Variants in CNTN5 observed in about 807,000 individuals in gnomAD.
CNTN5 encodes contactin-5.
Under a neutral mutation model 129.1 loss-of-function variants are expected in CNTN5, and 77 were observed. That is an observed-to-expected ratio of 0.60 (90% confidence interval 0.50 to 0.72). The LOEUF is 0.72. Among genes scored for constraint, CNTN5 ranks in the 30% least tolerant of loss-of-function variants. The pLI, the probability that CNTN5 is intolerant of heterozygous loss-of-function variation, is 0.00. For missense variants in CNTN5, 1,478 were observed against 1,328.8 expected, an observed-to-expected ratio of 1.11 and a Z score of -1.75; for synonymous variants, 509 against 465.6, an observed-to-expected ratio of 1.09 and a Z score of -1.20.
At chr11:99,668,292 C>T (rs752253290) in intron 3 of CNTN5, among the ~76,000 whole-genome samples, 32 of 152,100 alleles carry the variant, frequency 2.1e-4, no homozygotes, top group Non-Finnish European at 3.1e-4. Flanking sequence ...TGATGCCTCA[C>T]GCTGAACAGA....
chr11:99,951,871 C>T (rs1591471652), intron 7 of CNTN5, among the ~76,000 whole-genome samples: 1 of 152,150 alleles, frequency 6.6e-6, no homozygotes, highest in African/African-American at 2.4e-5. Flanking sequence ...AATAAATCCA[C>T]TCTTGTTCTT....
intron 6 of CNTN5, among the ~76,000 whole-genome samples, chr11:99,875,561 G>A (rs1336185140): frequency 6.6e-6 from 1 of 151,964 alleles, no homozygotes; most frequent in Non-Finnish European, 1.5e-5. Context: ...TCGTAGTTCT[G>A]TGTGCACTGT....
At position 100,197,195 on chromosome 11, in the gene CNTN5, C is replaced by G. The variant is rs1400590554; in HGVS notation, c.1884+3532C>G. On this transcript the variant is annotated intron_variant, in intron 15 of 24. Coordinates refer to ENST00000524871, the MANE Select transcript of CNTN5 (RefSeq NM_014361.4). Reference sequence around the variant, plus strand: ...AAGAGCTTAGTGCGTGTTTTGGGAACAGTGAGGAACCAGTGAGGGTGTATA... The same window carrying G: ...AAGAGCTTAGTGCGTGTTTTGGGAAGAGTGAGGAACCAGTGAGGGTGTATA... 2.0e-5 allele frequency among the ~76,000 whole-genome samples: 3 copies of G among 152,052 alleles called. No homozygotes were observed. In the East Asian group the frequency reaches 5.8e-4, roughly 30 times the overall value.
chr11:99,231,881 C>A (rs183781677), intron 1 of CNTN5, among the ~76,000 whole-genome samples: 1 of 152,226 alleles, frequency 6.6e-6, no homozygotes, highest in East Asian at 1.9e-4. Flanking sequence ...AGTAAGTTCT[C>A]CCAGCACTAT....
At chr11:99,241,456 G>A (rs918064000) in intron 1 of CNTN5, among the ~76,000 whole-genome samples, 7 of 150,980 alleles carry the variant, frequency 4.6e-5, no homozygotes, top group Non-Finnish European at 8.8e-5. Flanking sequence ...AGGTGGAAGT[G>A]TGAGCACCAA....
At chr11:100,313,863 A>C (rs1426451237) in intron 21 of CNTN5, among the ~76,000 whole-genome samples, 1 of 152,134 alleles carries the variant, frequency 6.6e-6, no homozygotes, top group African/African-American at 2.4e-5. Context: ...AAAAAAGTTA[A>C]AGGAGTTGAC....
chr11:100,221,804 GA>G (rs142481281), intron 15 of CNTN5, among the ~76,000 whole-genome samples: 3,006 of 143,760 alleles, frequency 0.021, 45 homozygotes, highest in Non-Finnish European at 0.031. Flanking sequence ...AACGAAAGCA[GA>G]AAAAAAAAAG....
chr11:99,856,374 T>TA (rs1357080475), intron 6 of CNTN5, among the ~76,000 whole-genome samples: 1 of 152,182 alleles, frequency 6.6e-6, no homozygotes, highest in African/African-American at 2.4e-5. Flanking sequence ...TCAGATTAGA[T>TA]ACACCTTATC....
At chr11:100,265,974 GTTT>G (rs1232506748) in intron 17 of CNTN5, among the ~76,000 whole-genome samples, 1 of 152,138 alleles carries the variant, frequency 6.6e-6, no homozygotes, top group East Asian at 1.9e-4. Context: ...ATTGGTCTTT[GTTT>G]ACTTAACTCA....
chr11:99,894,538 C>CA (rs1308853648), intron 6 of CNTN5, among the ~76,000 whole-genome samples: 1 of 89,572 alleles, frequency 1.1e-5, no homozygotes, highest in African/African-American at 4.1e-5. Context: ...AACCAAAAAA[C>CA]AAAAAACAAA....
chr11:99,601,733 C>A (rs186672111), intron 3 of CNTN5, among the ~76,000 whole-genome samples: 3 of 152,174 alleles, frequency 2.0e-5, no homozygotes, highest in Non-Finnish European at 4.4e-5. Flanking sequence ...TGTTCTCCAA[C>A]GCCCAGTAGG....
At chr11:99,963,950 C>G (rs944849932) in intron 8 of CNTN5, among the ~76,000 whole-genome samples, 2 of 152,042 alleles carry the variant, frequency 1.3e-5, no homozygotes, top group African/African-American at 4.8e-5. Flanking sequence ...CATGATTTGG[C>G]TCTCTGTTTG....
intron 6 of CNTN5, among the ~76,000 whole-genome samples, chr11:99,874,480 A>T (rs749563046): frequency 6.6e-6 from 1 of 152,140 alleles, no homozygotes; most frequent in Non-Finnish European, 1.5e-5. Flanking sequence ...TTCTTTCCTC[A>T]GGAGGGAATA....
At chr11:100,315,265 A>C (rs2138943059) in intron 21 of CNTN5, among the ~76,000 whole-genome samples, 1 of 152,272 alleles carries the variant, frequency 6.6e-6, no homozygotes, top group Admixed American at 6.5e-5. Flanking sequence ...TTACATCTTA[A>C]TTGGTTTAAG....
intron 9 of CNTN5, among the ~76,000 whole-genome samples, chr11:100,013,446 T>C (rs1448367352): frequency 6.6e-6 from 1 of 152,096 alleles, no homozygotes; most frequent in Non-Finnish European, 1.5e-5. Context: ...GAATAGGACA[T>C]CAGTGGAACA....
rs144283152 is a variant in CNTN5, at chr11:99,123,942, C to A, written c.-210+102672C>A. On this transcript the variant is annotated intron_variant, in intron 1 of 24. Transcript: ENST00000524871. ...TACCAGTACCATGCTGTTTTGATTA[C>A]CATAGCCTTGTAGTATAGTTTGTGA... Among the ~76,000 whole-genome samples, 731 of 152,098 alleles carry A rather than the reference C, an allele frequency of 4.8e-3. 4 individuals carry two copies. The highest frequency in any genetic ancestry group is 0.02 in the Middle Eastern group (6 of 294).
intron 13 of CNTN5, among the ~76,000 whole-genome samples, chr11:100,119,997 A>G (rs1945960315): frequency 6.6e-6 from 1 of 151,952 alleles, no homozygotes; most frequent in Non-Finnish European, 1.5e-5. Context: ...CATAATCTAT[A>G]TGCAGTTTTG....
intron 1 of CNTN5, among the ~76,000 whole-genome samples, chr11:99,243,736 AT>A (rs35250111): frequency 0.02 from 2,369 of 117,614 alleles, 23 homozygotes; most frequent in Non-Finnish European, 0.027. Flanking sequence ...CCTATTGCTT[AT>A]TTTTTTTTTT....
intron 3 of CNTN5, among the ~76,000 whole-genome samples, chr11:99,715,488 G>T (rs576361104): frequency 2.6e-5 from 4 of 151,624 alleles, no homozygotes; most frequent in African/African-American, 9.7e-5. Context: ...ATTCGAGCAG[G>T]CCATGAATGT....
Sources: gnomAD v4.1 joint callset for allele counts (sites outside exome capture counted in the v4.1 genomes callset) on GRCh38, gnomAD v4.1.1 for gene constraint, MANE v1.5 for transcripts, NCBI Gene and HGNC (gene_info 2026-07-23, HGNC 2026-07-21) for gene names.